Variants in SKAP1 observed in about 807,000 individuals in gnomAD.
The protein encoded by SKAP1 is src kinase-associated phosphoprotein 1.
Under a neutral mutation model 58.5 loss-of-function variants are expected in SKAP1, and 44 were observed. The ratio of observed to expected loss-of-function variants is 0.75; its 90% CI spans 0.59 to 0.97. The LOEUF is 0.97. Ranked by LOEUF, SKAP1 falls within the 50% of genes least tolerant of loss-of-function variation. The probability of loss-of-function intolerance (pLI) is 0.00; values close to 1 mark genes in which losing one functional copy is unlikely to be tolerated. For synonymous variants in SKAP1, 127 were observed against 149.7 expected (o/e 0.85, Z 1.11); for missense variants, 390 against 435.2 (o/e 0.90, Z 0.92).
chr17:48,325,248 CAAAA>C (rs200281665), intron 4 of SKAP1, among the ~76,000 whole-genome samples: 3 of 91,458 alleles, frequency 3.3e-5, no homozygotes, highest in East Asian at 4.6e-4. Context: ...GACTCCGTCT[CAAAA>C]AAAAAAAAAA....
rs189987990 is a variant in SKAP1 at position 48,200,978 on chromosome 17, T to C, written c.281-11478A>G. Among the ~76,000 whole-genome samples, 85 of 152,280 alleles carry C rather than the reference T, an allele frequency of 5.6e-4. 1 individual carries two copies. The highest frequency in any genetic ancestry group is 5.4e-3 in the Admixed American group (82 of 15,306). ...TAGGACTTGTGATCTAGGAATGCAA[T>C]ATGGAAGTGAATATTTGTTAGTCAA... On this transcript the variant is annotated intron_variant, in intron 4 of 12. Transcript: ENST00000336915.
chr17:48,405,044 G>A (rs186244681), intron 1 of SKAP1, among the ~76,000 whole-genome samples: 202 of 152,108 alleles, frequency 1.3e-3, no homozygotes, highest in Admixed American at 2.6e-3. Context: ...GCTAAGTAAC[G>A]CACTAAAATA....
In SKAP1 at chr17:48,137,179, C is replaced by G. The variant is rs1484407980; in HGVS notation, c.*7+50G>C. 7 of 1,181,194 alleles carry G rather than the reference C, an allele frequency of 5.9e-6. No homozygotes were observed. The African/African-American group carries it at 1.1e-4, about 18-fold the overall frequency. The allele number at this position is 1,181,194 out of a possible 1,614,324, so 73.2% of individuals were successfully genotyped here. On this transcript the variant is annotated intron_variant, in intron 12 of 12. Transcript: ENST00000336915. ...CTTTCAGAGAAACAAAGTAGTGGCC[C>G]ACAAGTTCCACTCAACTATTAGGCA...
At chr17:48,442,474 T>C in the SKAP1 span, among the ~76,000 whole-genome samples, 3 of 152,120 alleles carry the variant, frequency 2.0e-5, no homozygotes, top group African/African-American at 7.2e-5. Flanking sequence ...AAGCCTTAGT[T>C]CCATCCTGCC....
chr17:48,405,396 T>C (rs542019756), intron 1 of SKAP1, among the ~76,000 whole-genome samples: 75 of 38,978 alleles, frequency 1.9e-3, no homozygotes, highest in Admixed American at 0.011. Context: ...CTCTTTCCTT[T>C]CTTTCTTTCT....
chr17:48,206,797 G>C (rs1202250671), intron 4 of SKAP1, among the ~76,000 whole-genome samples: 1 of 152,036 alleles, frequency 6.6e-6, no homozygotes, highest in Non-Finnish European at 1.5e-5. Flanking sequence ...CAGAACTCCA[G>C]GGTGACTGCT....
At chr17:48,404,651 T>A (rs1163866189) in intron 1 of SKAP1, among the ~76,000 whole-genome samples, 1 of 151,988 alleles carries the variant, frequency 6.6e-6, no homozygotes, top group Non-Finnish European at 1.5e-5. Flanking sequence ...AGTGTAAATG[T>A]AATAAAAGTA....
At position 48,416,881 on chromosome 17, in the gene SKAP1, C is replaced by T. The variant is rs539242026; in HGVS notation, c.46+13194G>A. Among the ~76,000 whole-genome samples, 3 of 152,298 alleles carry T rather than the reference C, an allele frequency of 2.0e-5. No homozygotes were observed. The East Asian group carries it at 5.8e-4, about 29-fold the overall frequency. Reference sequence around the variant, plus strand: ...TAAATATATCACTAAAATCAAACCTCTAAGACTTTAGTGTTTAATTTTCCT... The same window carrying T: ...TAAATATATCACTAAAATCAAACCTTTAAGACTTTAGTGTTTAATTTTCCT... On this transcript the variant is annotated intron_variant, in intron 1 of 12. Transcript: ENST00000336915.
At chr17:48,192,809 T>C (rs960715477) in intron 4 of SKAP1, among the ~76,000 whole-genome samples, 1 of 152,102 alleles carries the variant, frequency 6.6e-6, no homozygotes, top group Non-Finnish European at 1.5e-5. Flanking sequence ...AAAGACATAA[T>C]ACAGCAGAGA....
chr17:48,403,504 A>G (rs1393489991), intron 1 of SKAP1, among the ~76,000 whole-genome samples: 2 of 152,146 alleles, frequency 1.3e-5, no homozygotes, highest in Non-Finnish European at 2.9e-5. Context: ...TGAGCTTTCA[A>G]AATTTCAAGG....
intron 4 of SKAP1, among the ~76,000 whole-genome samples, chr17:48,224,113 G>T (rs912663509): frequency 4.8e-5 from 7 of 144,822 alleles, no homozygotes; most frequent in African/African-American, 1.8e-4. Flanking sequence ...GGAGGAGGAG[G>T]AACTTTCCAG....
chr17:48,139,347 A>G (rs1237768765), intron 11 of SKAP1, among the ~76,000 whole-genome samples: 1 of 150,796 alleles, frequency 6.6e-6, no homozygotes, highest in Non-Finnish European at 1.5e-5. Context: ...ACGCCCAGCT[A>G]ATTTTTTGTA....
chr17:48,413,523 A>AAAAAAAAAAATATATATAT, intron 1 of SKAP1, among the ~76,000 whole-genome samples: 1 of 105,454 alleles, frequency 9.5e-6, no homozygotes, highest in African/African-American at 4.3e-5. Flanking sequence ...TCAAAAAAAA[A>AAAAAAAAAAATATATATAT]ATATATATAT....
intron 4 of SKAP1, among the ~76,000 whole-genome samples, chr17:48,328,047 A>C (rs2066460634): frequency 6.6e-6 from 1 of 152,232 alleles, no homozygotes; most frequent in Non-Finnish European, 1.5e-5. Context: ...AACAATGGCA[A>C]GAGTGAGATC....
intron 4 of SKAP1, among the ~76,000 whole-genome samples, chr17:48,251,815 C>G (rs2065367460): frequency 6.6e-6 from 1 of 152,124 alleles, no homozygotes; most frequent in South Asian, 2.1e-4. Flanking sequence ...CCTTTTCTTA[C>G]AAATGAAAAA....
intron 4 of SKAP1, among the ~76,000 whole-genome samples, chr17:48,278,780 AG>A (rs1423544798): frequency 1.3e-5 from 2 of 152,182 alleles, no homozygotes; most frequent in Non-Finnish European, 2.9e-5. Flanking sequence ...ACCAAGAGAA[AG>A]AAGAAAAGGT....
chr17:48,370,604 T>C (rs2144427173), intron 2 of SKAP1, among the ~76,000 whole-genome samples: 1 of 152,008 alleles, frequency 6.6e-6, no homozygotes, highest in South Asian at 2.1e-4. Flanking sequence ...GCCAGAATGG[T>C]TATTATTAAG....
At chr17:48,172,775 T>C (rs1166323686) in intron 9 of SKAP1, among the ~76,000 whole-genome samples, 1 of 152,192 alleles carries the variant, frequency 6.6e-6, no homozygotes, top group African/African-American at 2.4e-5. Flanking sequence ...AGTTCCGGTA[T>C]GCCAAACTGG....
At chr17:48,151,015 C>A (rs1434301578) in intron 11 of SKAP1, among the ~76,000 whole-genome samples, 2 of 149,992 alleles carry the variant, frequency 1.3e-5, no homozygotes, top group Non-Finnish European at 2.9e-5. Context: ...TTAGAGAGAT[C>A]TTTAAACAAT....
Sources: allele counts gnomAD v4.1 joint callset (sites outside exome capture counted in the v4.1 genomes callset), GRCh38; gene constraint gnomAD v4.1.1; transcripts MANE v1.5; gene names NCBI Gene and HGNC (gene_info 2026-07-23, HGNC 2026-07-21).